The following THAP10 variants were observed in gnomAD, a reference collection of about 807,000 sequenced individuals.
The protein encoded by THAP10 is THAP domain containing 10.
In THAP10, 10 loss-of-function variants were observed where a neutral mutation model predicts 15.7. That is an observed-to-expected ratio of 0.64 (90% CI 0.39 to 1.08). The LOEUF is 1.08. Ranked by LOEUF, THAP10 falls within the 50% of genes least tolerant of loss-of-function variation. The pLI, the probability that THAP10 is intolerant of heterozygous loss-of-function variation, is 0.01. For synonymous variants in THAP10, 127 were observed against 129.1 expected, an observed-to-expected ratio of 0.98 and a Z score of 0.11; for missense variants, 310 against 330.9, an observed-to-expected ratio of 0.94 and a Z score of 0.49.
In THAP10 at chr15:70,882,446, T is replaced by C. The variant is rs764288615; in HGVS notation, c.*8A>G. ...CTATAGCACATCAGAGCATTTGATG[T>C]TGAGTTTTTAACATGTTTCTTCTTT... On this transcript the variant is annotated 3_prime_UTR_variant, in exon 3 of 3. Coordinates refer to ENST00000249861, the MANE Select transcript of THAP10 (RefSeq NM_020147.4). The C allele has an allele frequency of 1.9e-6, 3 of 1,601,100 alleles. No individual in the cohort carries two copies. In the Admixed American group the frequency reaches 5.1e-5, roughly 27 times the overall value.
In THAP10 at chr15:70,882,877, T is replaced by G; in HGVS notation, c.461A>C (p.Gln154Pro). ...ITCENELVQT[Q>P]PHADNPSNTV... ...ATTAGATGGATTATCAGCATGGGGT[T>G]GGGTTTGCACAAGTTCATTTTCACA... is the stretch of plus-strand genomic sequence containing the variant. The change falls in exon 2 of 3, where the codon CAA (glutamine) becomes CCA (proline). Residue 154 changes from glutamine to proline, a missense_variant. Transcript: ENST00000249861. 1 of 1,614,074 alleles carries G rather than the reference T, an allele frequency of 6.2e-7. No homozygotes were observed.
chr15:70,891,618 T>TGTGTGTGTGA (rs930540936), intron 1 of THAP10, among the ~76,000 whole-genome samples: 3 of 127,564 alleles, frequency 2.4e-5, no homozygotes, highest in Admixed American at 7.9e-5. Flanking sequence ...TGTGTGTGTG[T>TGTGTGTGTGA]GAGTTTTGGG....
intron 1 of THAP10, among the ~76,000 whole-genome samples, chr15:70,889,490 C>A (rs1226035772): frequency 6.6e-6 from 1 of 152,042 alleles, no homozygotes; most frequent in Non-Finnish European, 1.5e-5. Flanking sequence ...TACACATGTT[C>A]AGTTTATGAT....
intron 1 of THAP10, among the ~76,000 whole-genome samples, chr15:70,887,686 T>G (rs1301836163): frequency 6.6e-6 from 1 of 152,140 alleles, no homozygotes; most frequent in Non-Finnish European, 1.5e-5. Flanking sequence ...AAATTAGGAA[T>G]GAGAAAAGGA....
intron 1 of THAP10, among the ~76,000 whole-genome samples, chr15:70,884,429 A>G (rs535968193): frequency 2.3e-4 from 35 of 152,110 alleles, no homozygotes; most frequent in Non-Finnish European, 4.1e-4. Flanking sequence ...CTGAGGCACA[A>G]TAATTGCTTG....
chr15:70,883,368 AT>A (rs1451765797), intron 1 of THAP10, among the ~76,000 whole-genome samples: 3 of 151,618 alleles, frequency 2.0e-5, no homozygotes, highest in African/African-American at 7.3e-5. Context: ...ATTTTTTTGT[AT>A]TTTTAGTAGA....
At chr15:70,887,866 C>T (rs2033452200) in intron 1 of THAP10, among the ~76,000 whole-genome samples, 1 of 152,038 alleles carries the variant, frequency 6.6e-6, no homozygotes, top group East Asian at 1.9e-4. Flanking sequence ...GTGAGTTTAA[C>T]AAGGTTTTTG....
rs969352608 is a variant in THAP10, at chr15:70,882,234, G to GA, written c.*219dup. On this transcript the variant is annotated 3_prime_UTR_variant, in exon 3 of 3. Coordinates refer to ENST00000249861, the MANE Select transcript of THAP10 (RefSeq NM_020147.4). The stretch of plus-strand genomic sequence containing the variant: ...CTGATTTCTACCAAAAGGATTAAAA[G>GA]AAAAAAAAAGGTGAAAGTAGAGAAT... The GA allele has an allele frequency of 2.5e-3, 1,024 of 405,818 alleles. No individual in the cohort carries two copies. Among genetic ancestry groups the GA allele is most frequent in the South Asian group, 3.0e-3 (44 of 14,534 alleles). 25.1% of individuals were successfully genotyped at this position (405,818 alleles called of 1,614,324 possible).
intron 1 of THAP10, among the ~76,000 whole-genome samples, chr15:70,888,102 T>C (rs1384320870): frequency 6.6e-6 from 1 of 152,194 alleles, no homozygotes; most frequent in African/African-American, 2.4e-5. Flanking sequence ...CAATATGCCA[T>C]TTATTCCCAT....
At chr15:70,891,089 A>G (rs1431805324) in intron 1 of THAP10, among the ~76,000 whole-genome samples, 1 of 152,128 alleles carries the variant, frequency 6.6e-6, no homozygotes, top group Admixed American at 6.5e-5. Context: ...GAAATTACTA[A>G]CCTCTTGCTA....
intron 1 of THAP10, among the ~76,000 whole-genome samples, chr15:70,884,901 T>C (rs985582879): frequency 6.6e-6 from 1 of 152,170 alleles, no homozygotes; most frequent in Non-Finnish European, 1.5e-5. Context: ...ACTTTATATT[T>C]TGATGTTGTC....
chr15:70,890,411 T>G, intron 1 of THAP10, among the ~76,000 whole-genome samples: 1 of 152,274 alleles, frequency 6.6e-6, no homozygotes, highest in South Asian at 2.1e-4. Flanking sequence ...ATGCAAAAAT[T>G]TGTTCTTATA....
chr15:70,890,253 C>CAT lies in THAP10; in HGVS notation c.429+1589_429+1590dup, dbSNP rs139628597. 1.8e-3 allele frequency among the ~76,000 whole-genome samples: 276 copies of CAT among 152,062 alleles called. 2 individuals are homozygous for CAT. Among genetic ancestry groups the CAT allele is most frequent in the African/African-American group, 6.6e-3 (272 of 41,446 alleles). Reference sequence around the variant, plus strand: ...TAGTATTTATCTCTCTTGCTACACACATATATATGTATGTGGATGTATATG... The same window carrying CAT: ...TAGTATTTATCTCTCTTGCTACACACATATATATATGTATGTGGATGTATATG... On this transcript the variant is annotated intron_variant, in intron 1 of 2. Coordinates refer to ENST00000249861, the MANE Select transcript of THAP10 (RefSeq NM_020147.4).
Position 70,881,927 on chromosome 15 carries a change from CAT to C in THAP10, c.*525_*526del, listed in dbSNP as rs1239584433. 1 of 152,814 alleles carries C rather than the reference CAT, an allele frequency of 6.5e-6. No homozygotes were observed. 9.5% of individuals were successfully genotyped at this position (152,814 alleles called of 1,614,324 possible). On this transcript the variant is annotated 3_prime_UTR_variant, in exon 3 of 3. Coordinates refer to ENST00000249861, the MANE Select transcript of THAP10 (RefSeq NM_020147.4). ...GAAATGCTCACAGGACAGATCTATA[CAT>C]GTTACAAATGGACAAACTAATAAAT...
chr15:70,887,450 G>C (rs1013261575), intron 1 of THAP10, among the ~76,000 whole-genome samples: 6 of 152,088 alleles, frequency 3.9e-5, no homozygotes, highest in Non-Finnish European at 7.4e-5. Context: ...TTTTAGCCAT[G>C]CAAGTTTGAC....
At chr15:70,889,528 T>C (rs2033498585) in intron 1 of THAP10, among the ~76,000 whole-genome samples, 1 of 152,216 alleles carries the variant, frequency 6.6e-6, no homozygotes, top group Admixed American at 6.5e-5. Context: ...ACTTAAGATT[T>C]GTTCACTTTT....
chr15:70,884,727 G>T (rs944067809), intron 1 of THAP10, among the ~76,000 whole-genome samples: 6 of 151,980 alleles, frequency 3.9e-5, no homozygotes, highest in African/African-American at 1.5e-4. Flanking sequence ...TTACAAAAAG[G>T]TGTATTCTGG....
chr15:70,891,804 T>A (rs1437251041), intron 1 of THAP10, 40 bp downstream of exon 1: 5 of 1,487,932 alleles, frequency 3.4e-6, no homozygotes, highest in Non-Finnish European at 3.6e-6. Flanking sequence ...CCAGCCAGAG[T>A]CCAGGGGTCC....
At chr15:70,885,261 C>T (rs1389305837) in intron 1 of THAP10, among the ~76,000 whole-genome samples, 1 of 152,016 alleles carries the variant, frequency 6.6e-6, no homozygotes, top group African/African-American at 2.4e-5. Flanking sequence ...TCATAACAGA[C>T]ATAGGGGATA....
Sources: gnomAD v4.1 joint callset for allele counts (sites outside exome capture counted in the v4.1 genomes callset) on GRCh38, gnomAD v4.1.1 for gene constraint, MANE v1.5 for transcripts, NCBI Gene and HGNC (gene_info 2026-07-23, HGNC 2026-07-21) for gene names.